Variants in ZNF704 observed in about 807,000 individuals in gnomAD.
ZNF704 encodes glucocorticoid induced gene 1.
Under a neutral mutation model 44.7 loss-of-function variants are expected in ZNF704, and 10 were observed. That is an observed-to-expected ratio of 0.22 (90% CI 0.14 to 0.38). ZNF704 has a LOEUF of 0.38. Among genes scored for constraint, ZNF704 ranks in the 10% least tolerant of loss-of-function variants. The probability of loss-of-function intolerance (pLI) is 1.00; values close to 1 mark genes in which losing one functional copy is unlikely to be tolerated. For synonymous variants in ZNF704, 211 were observed against 207.6 expected (o/e 1.02, Z -0.14); for missense variants, 390 against 545.5 (o/e 0.71, Z 2.84).
At chr8:80,864,442 T>C (rs1168458871) in intron 1 of ZNF704, among the ~76,000 whole-genome samples, 1 of 152,220 alleles carries the variant, frequency 6.6e-6, no homozygotes, top group Non-Finnish European at 1.5e-5. Flanking sequence ...GCCCTTGGCA[T>C]ATATAGTCAG....
At chr8:80,697,660 CAT>C (rs1255070938) in intron 2 of ZNF704, among the ~76,000 whole-genome samples, 1 of 152,212 alleles carries the variant, frequency 6.6e-6, no homozygotes, top group Non-Finnish European at 1.5e-5. Flanking sequence ...GAAGGATAAA[CAT>C]AGACTTGTTG....
intron 2 of ZNF704, among the ~76,000 whole-genome samples, chr8:80,815,123 C>T (rs551182393): frequency 1.3e-5 from 2 of 152,184 alleles, no homozygotes; most frequent in East Asian, 3.9e-4. Flanking sequence ...GAATGGCACG[C>T]TATAAGGAGA....
chr8:80,801,598 A>G, intron 2 of ZNF704, among the ~76,000 whole-genome samples: 1 of 152,240 alleles, frequency 6.6e-6, no homozygotes. Context: ...GCAGAAATCA[A>G]GAAGTTCTTT....
intron 1 of ZNF704, among the ~76,000 whole-genome samples, chr8:80,830,745 G>GTTTCTTTC (rs201145734): frequency 1.5e-5 from 2 of 134,864 alleles, no homozygotes; most frequent in Non-Finnish European, 1.6e-5. Context: ...TAGAGGGTGT[G>GTTTCTTTC]TTTCTTTCTT....
At chr8:80,691,759 C>T (rs1199241917) in intron 3 of ZNF704, among the ~76,000 whole-genome samples, 1 of 152,216 alleles carries the variant, frequency 6.6e-6, no homozygotes, top group Non-Finnish European at 1.5e-5. Flanking sequence ...GATCCTCAGG[C>T]ACTGCCTATT....
intron 2 of ZNF704, among the ~76,000 whole-genome samples, chr8:80,770,472 T>A (rs1304874976): frequency 6.6e-6 from 1 of 152,212 alleles, no homozygotes; most frequent in Non-Finnish European, 1.5e-5. Context: ...GTGTGCTAAT[T>A]GCTTGTTCTG....
rs1260953219 is a variant in ZNF704 at position 80,874,530 on chromosome 8, C to T, written c.-22+41G>A. On this transcript the variant is annotated intron_variant, in intron 1 of 8. Transcript: ENST00000327835. This position sits in a 1 kb window ranked among gnomAD's most constrained non-coding sequence, Gnocchi z 4.4. ...ATTCCTCACAACCCTCCGGTCCCCC[C>T]GCTCAGACAAAACCCGGACTGGATT... The T allele has an allele frequency of 6.6e-6, 1 of 151,984 alleles. No homozygotes were observed. The highest frequency in any genetic ancestry group is 2.4e-5 in the African/African-American group (1 of 41,406). 9.4% of individuals were successfully genotyped at this position (151,984 alleles called of 1,614,324 possible). A position where few individuals can be genotyped will look rare whatever the true frequency, so the allele number is the denominator to read the frequency against.
At chr8:80,703,029 G>A (rs920529978) in intron 2 of ZNF704, among the ~76,000 whole-genome samples, 16 of 152,162 alleles carry the variant, frequency 1.1e-4, no homozygotes, top group African/African-American at 3.9e-4. Flanking sequence ...AACAGCCGCG[G>A]GGACACAGAA....
chr8:80,728,093 C>T (rs2131677552), intron 2 of ZNF704, among the ~76,000 whole-genome samples: 1 of 152,220 alleles, frequency 6.6e-6, no homozygotes, highest in East Asian at 1.9e-4. Flanking sequence ...ATATAGTAAT[C>T]ATTATCATTT....
intron 4 of ZNF704, among the ~76,000 whole-genome samples, chr8:80,679,696 C>A (rs1818422405): frequency 6.6e-6 from 1 of 152,272 alleles, no homozygotes; most frequent in African/African-American, 2.4e-5. Flanking sequence ...AGAGGGAGGC[C>A]ACCATTGATT....
chr8:80,748,564 C>T (rs1041650475), intron 2 of ZNF704, among the ~76,000 whole-genome samples: 1 of 152,178 alleles, frequency 6.6e-6, no homozygotes, highest in East Asian at 1.9e-4. Context: ...CAACGTCGTT[C>T]TTTTTTTAAA....
chr8:80,877,777 G>A (rs1052256123), upstream of ZNF704, among the ~76,000 whole-genome samples: 16 of 152,114 alleles, frequency 1.1e-4, no homozygotes, highest in East Asian at 1.9e-4. Flanking sequence ...ACCCTCCCTC[G>A]GGGAGGAAGC....
rs936212240 is a variant in ZNF704 at position 80,630,899 on chromosome 8, G to A, written c.*10467C>T. On this transcript the variant is annotated 3_prime_UTR_variant, in exon 9 of 9. Coordinates refer to ENST00000327835, the MANE Select transcript of ZNF704 (RefSeq NM_001033723.3). ...CAGGGATTTTTTTTAAAAAAAACATGTATGATCCACATTCCTGGGTTAGTT... is the reference window on the plus strand; with the variant it reads ...CAGGGATTTTTTTTAAAAAAAACATATATGATCCACATTCCTGGGTTAGTT... 2.6e-5 allele frequency: 4 copies of A among 152,076 alleles called. No individual in the cohort carries two copies. Among genetic ancestry groups the A allele is most frequent in the African/African-American group, 7.2e-5 (3 of 41,412 alleles). The allele number at this position is 152,076 out of a possible 1,614,324, so 9.4% of individuals were successfully genotyped here.
rs922804954 is a variant in ZNF704, at chr8:80,687,222, C to T, written c.558+4G>A. 1 of 1,608,680 alleles carries T rather than the reference C, an allele frequency of 6.2e-7. No homozygotes were observed. ...TGCAGAAGACCGCGTGGCTGACCAC[C>T]AACCTTTCTTTTCCTGGGAATGGGC... On this transcript the variant is annotated splice_donor_region_variant and intron_variant, in intron 4 of 8. Coordinates refer to ENST00000327835, the MANE Select transcript of ZNF704 (RefSeq NM_001033723.3).
intron 7 of ZNF704, among the ~76,000 whole-genome samples, chr8:80,648,465 G>A (rs1817866150): frequency 6.6e-6 from 1 of 152,222 alleles, no homozygotes; most frequent in Non-Finnish European, 1.5e-5. Flanking sequence ...TGAGGGTGGA[G>A]AAACCAAGGG....
rs1034791331 is a variant in ZNF704, at chr8:80,874,274, G to A, written c.-22+297C>T. ...GCCGGCGGCTACGGCGGGGCGGCGC[G>A]GCGGCCGCGGGCGGGGGTGGGTGTG... On this transcript the variant is annotated intron_variant, in intron 1 of 8. Transcript: ENST00000327835. The surrounding 1 kb of genome is among the most constrained non-coding windows in gnomAD (Gnocchi z 4.4). Among the ~76,000 whole-genome samples the A allele has an allele frequency of 2.8e-5, 4 of 144,772 alleles. No individual in the cohort carries two copies. Among genetic ancestry groups the A allele is most frequent in the African/African-American group, 7.4e-5 (3 of 40,458 alleles). The allele number at this position is 144,772 out of a possible 152,430, so 95.0% of individuals were successfully genotyped here. A position where few individuals can be genotyped will look rare whatever the true frequency, so the allele number is the denominator to read the frequency against.
intron 2 of ZNF704, chr8:80,814,282 T>C (rs1808140149): frequency 6.6e-6 from 1 of 152,224 alleles, no homozygotes; most frequent in African/African-American, 2.4e-5. Flanking sequence ...TGTGTGTTGA[T>C]GTGAGAATCT....
At chr8:80,741,597 T>A (rs1038953228) in intron 2 of ZNF704, among the ~76,000 whole-genome samples, 1 of 152,194 alleles carries the variant, frequency 6.6e-6, no homozygotes, top group East Asian at 1.9e-4. Context: ...CAGACAACCA[T>A]TAGCTTAAAT....
chr8:80,699,603 A>C (rs1027748715), intron 2 of ZNF704, among the ~76,000 whole-genome samples: 5 of 152,190 alleles, frequency 3.3e-5, no homozygotes, highest in African/African-American at 1.2e-4. Flanking sequence ...TATACAAAAA[A>C]ACTATGGCCT....
Sources: gnomAD v4.1 joint callset for allele counts (sites outside exome capture counted in the v4.1 genomes callset) on GRCh38, gnomAD v4.1.1 for gene constraint, Gnocchi (gnomAD v3.1) non-coding constraint, MANE v1.5 for transcripts, NCBI Gene and HGNC (gene_info 2026-07-23, HGNC 2026-07-21) for gene names.